The following DLG2 variants were observed in gnomAD, a reference collection of about 807,000 sequenced individuals.
DLG2 encodes disks large homolog 2.
A neutral mutation model predicts 132.5 loss-of-function variants in DLG2; 45 were observed. The ratio of observed to expected loss-of-function variants is 0.34; its 90% CI spans 0.27 to 0.44. DLG2 has a LOEUF of 0.44. DLG2 is among the 20% of genes least tolerant of loss of function. DLG2 has a pLI of 1.00. For missense variants in DLG2, 1,045 were observed against 1,196.9 expected (o/e 0.87, Z 1.87); for synonymous variants, 424 against 419.6 (o/e 1.01, Z -0.13).
chr11:84,520,661 T>C (rs1488509273), intron 7 of DLG2, among the ~76,000 whole-genome samples: 1 of 152,038 alleles, frequency 6.6e-6, no homozygotes, highest in Non-Finnish European at 1.5e-5. Context: ...CCATTGACCA[T>C]TCTAGAAAGT....
intron 8 of DLG2, among the ~76,000 whole-genome samples, chr11:84,218,400 G>GGAAGGAAA (rs2096868614): frequency 6.6e-6 from 1 of 151,360 alleles, no homozygotes; most frequent in Admixed American, 6.6e-5. Context: ...GAGGGAGGGA[G>GGAAGGAAA]GAAGGAAGGA....
At chr11:85,362,409 C>T (rs2084228113) in intron 3 of DLG2, among the ~76,000 whole-genome samples, 1 of 152,096 alleles carries the variant, frequency 6.6e-6, no homozygotes, top group African/African-American at 2.4e-5. Context: ...ATTTGGTCCT[C>T]AGATAGATCA....
intron 21 of DLG2, 71 bp downstream of exon 21, chr11:83,532,637 C>G: frequency 7.3e-7 from 1 of 1,372,012 alleles, no homozygotes; most frequent in Non-Finnish European, 1.0e-6. Context: ...TACTGAAAGC[C>G]TAAATGTGTT....
At chr11:84,961,947 T>G (rs2052642807) in intron 6 of DLG2, among the ~76,000 whole-genome samples, 1 of 152,032 alleles carries the variant, frequency 6.6e-6, no homozygotes, top group African/African-American at 2.4e-5. Flanking sequence ...CCAGCCCCAC[T>G]CCCACTGCCA....
chr11:84,136,285 G>C (rs1331951924), intron 9 of DLG2, among the ~76,000 whole-genome samples: 2 of 152,028 alleles, frequency 1.3e-5, no homozygotes, highest in Non-Finnish European at 2.9e-5. Flanking sequence ...CAAAATAGTA[G>C]GGATGAATTC....
At chr11:84,052,960 C>T (rs541658094) in intron 11 of DLG2, among the ~76,000 whole-genome samples, 202 of 152,174 alleles carry the variant, frequency 1.3e-3, no homozygotes, top group Middle Eastern at 6.8e-3. Flanking sequence ...AAGATACATG[C>T]AGGTGTCTGT....
chr11:84,077,585 T>C lies in DLG2; in HGVS notation c.750-18101A>G, dbSNP rs947527516. 8.5e-5 allele frequency among the ~76,000 whole-genome samples: 13 copies of C among 152,248 alleles called. No individual in the cohort carries two copies. In the East Asian group the frequency reaches 2.5e-3, roughly 29 times the overall value. On this transcript the variant is annotated intron_variant, in intron 10 of 27. Transcript: ENST00000376104. ...AACTATGTGCTATTTTTGCATGTTT[T>C]AGGCTGACAATTGTTATAAATTTAA...
Position 85,584,899 on chromosome 11 carries a change from T to C in DLG2, c.40+13758A>G, listed in dbSNP as rs544725976. Among the ~76,000 whole-genome samples the C allele has an allele frequency of 6.2e-4, 95 of 152,362 alleles. No homozygotes were observed. In the South Asian group the frequency reaches 9.1e-3, roughly 15 times the overall value. On this transcript the variant is annotated intron_variant, in intron 3 of 27. Coordinates refer to ENST00000376104, the MANE Select transcript of DLG2 (RefSeq NM_001142699.3). ...TTCATTCCCTGTAGATTTTGGATAT[T>C]AGTCCTTTGTCGAATGTATAGACTG...
Position 84,298,054 on chromosome 11 carries a change from A to C in DLG2, c.520-46763T>G, listed in dbSNP as rs979933111. On this transcript the variant is annotated intron_variant, in intron 7 of 27. Coordinates refer to ENST00000376104, the MANE Select transcript of DLG2 (RefSeq NM_001142699.3). ...CTCCATATCACATTACCATAATTTA[A>C]TTTGTAATAGCACACCCCTGTCTGA... Among the ~76,000 whole-genome samples the C allele has an allele frequency of 4.6e-5, 7 of 152,076 alleles. No homozygotes were observed. The South Asian group carries it at 1.2e-3, about 27-fold the overall frequency.
intron 7 of DLG2, among the ~76,000 whole-genome samples, chr11:84,511,411 T>A (rs1325735466): frequency 6.6e-6 from 1 of 152,164 alleles, no homozygotes; most frequent in Non-Finnish European, 1.5e-5. Context: ...ACAAATTGAA[T>A]GAATATCTTC....
intron 6 of DLG2, among the ~76,000 whole-genome samples, chr11:84,790,478 G>T (rs1200367779): frequency 1.3e-5 from 2 of 152,032 alleles, no homozygotes; most frequent in Non-Finnish European, 2.9e-5. Flanking sequence ...ATATATTCAG[G>T]TTATTAATAT....
chr11:84,708,624 G>C (rs982413878), intron 6 of DLG2, among the ~76,000 whole-genome samples: 1 of 151,620 alleles, frequency 6.6e-6, no homozygotes, highest in Non-Finnish European at 1.5e-5. Context: ...GCCAAAACAG[G>C]CATCCGGTTT....
At chr11:83,827,232 G>A (rs753489011) in intron 17 of DLG2, among the ~76,000 whole-genome samples, 2 of 152,042 alleles carry the variant, frequency 1.3e-5, no homozygotes, top group Non-Finnish European at 2.9e-5. Context: ...CACCAGCAGA[G>A]ATTTAGAAAT....
intron 21 of DLG2, among the ~76,000 whole-genome samples, chr11:83,509,908 C>T (rs1296305041): frequency 6.6e-6 from 1 of 152,122 alleles, no homozygotes; most frequent in African/African-American, 2.4e-5. Flanking sequence ...TATGGAGGCT[C>T]ACACTAGGGG....
chr11:84,252,140 C>CTTTTTTTTTTTTTTTTT (rs1176873990), intron 7 of DLG2, among the ~76,000 whole-genome samples: 45 of 65,356 alleles, frequency 6.9e-4, no homozygotes, highest in Non-Finnish European at 7.8e-4. Flanking sequence ...TTCTTTCTTT[C>CTTTTTTTTTTTTTTTTT]TTTTTTTTTT....
chr11:83,955,308 G>A (rs769356429), intron 14 of DLG2, among the ~76,000 whole-genome samples: 1 of 152,112 alleles, frequency 6.6e-6, no homozygotes, highest in East Asian at 1.9e-4. Context: ...GTAGCTCCAG[G>A]ACCCACACAC....
At chr11:85,528,345 CTTGAG>C (rs1490402094) in intron 3 of DLG2, among the ~76,000 whole-genome samples, 1 of 152,106 alleles carries the variant, frequency 6.6e-6, no homozygotes, top group Non-Finnish European at 1.5e-5. Context: ...TTTAACCCAT[CTTGAG>C]TTAATTTTTG....
chr11:84,854,735 C>T (rs894012504), intron 6 of DLG2, among the ~76,000 whole-genome samples: 1 of 151,956 alleles, frequency 6.6e-6, no homozygotes, highest in Admixed American at 6.6e-5. Flanking sequence ...TCCTCATTAT[C>T]GAGGCAAGTT....
chr11:83,754,353 T>C (rs529419097), intron 18 of DLG2, among the ~76,000 whole-genome samples: 2 of 151,372 alleles, frequency 1.3e-5, no homozygotes, highest in African/African-American at 4.9e-5. Flanking sequence ...AAATGTCAAG[T>C]ATATCCAATA....
Sources: gnomAD v4.1 joint callset for allele counts (sites outside exome capture counted in the v4.1 genomes callset) on GRCh38, gnomAD v4.1.1 for gene constraint, MANE v1.5 for transcripts, NCBI Gene and HGNC (gene_info 2026-07-23, HGNC 2026-07-21) for gene names.